The following MTUS2 variants were observed in gnomAD, a reference collection of about 807,000 sequenced individuals.
The protein encoded by MTUS2 is microtubule associated scaffold protein 2, also known as microtubule-associated tumor suppressor candidate 2.
MTUS2 carries 40 observed loss-of-function variants against 114.1 expected under a neutral mutation model. That is an observed-to-expected ratio of 0.35 (90% CI 0.27 to 0.46). The LOEUF is 0.46. MTUS2 is among the 20% of genes least tolerant of loss of function. MTUS2 has a pLI of 1.00. For missense variants in MTUS2, 1,679 were observed against 1,705.4 expected (o/e 0.98, Z 0.27); for synonymous variants, 688 against 672.0 (o/e 1.02, Z -0.37).
chr13:29,421,970 G>A (rs1876140551), intron 8 of MTUS2, among the ~76,000 whole-genome samples: 1 of 152,196 alleles, frequency 6.6e-6, no homozygotes, highest in African/African-American at 2.4e-5. Context: ...TTTCTACTAT[G>A]TCAGTTTTTA....
chr13:28,888,711 C>T lies in MTUS2; in HGVS notation c.-243+48861C>T, dbSNP rs149722612. Among the ~76,000 whole-genome samples, 436 of 152,012 alleles carry T rather than the reference C, an allele frequency of 2.9e-3. 3 individuals are homozygous for T. Among genetic ancestry groups the T allele is most frequent in the African/African-American group, 0.01 (418 of 41,454 alleles). ...TGCTGGGATTACAGGCATGAGACAC[C>T]GCGCTCGGCTCCTCTTGGCATCTTA... On this transcript the variant is annotated intron_variant, in intron 2 of 15. Transcript: ENST00000612955.
intron 2 of MTUS2, among the ~76,000 whole-genome samples, chr13:28,943,715 C>T (rs2138143234): frequency 6.6e-6 from 1 of 152,194 alleles, no homozygotes; most frequent in Admixed American, 6.5e-5. Context: ...GGGCTTTGAG[C>T]TTGACTCAGC....
intron 5 of MTUS2, among the ~76,000 whole-genome samples, chr13:29,200,521 G>GGTTTTTTTTTTTTT (rs1309388936): frequency 2.3e-5 from 2 of 85,430 alleles, no homozygotes; most frequent in African/African-American, 9.9e-5. Flanking sequence ...TTCTTTTTCT[G>GGTTTTTTTTTTTTT]TTTTTTTTTT....
At chr13:29,324,535 C>G in intron 6 of MTUS2, 78 bp from the exon 7 acceptor site, 1 of 1,091,272 alleles carries the variant, frequency 9.2e-7, no homozygotes, top group Non-Finnish European at 1.3e-6. Context: ...TTGAAGCCAC[C>G]CTTTCCACAA....
intron 9 of MTUS2, among the ~76,000 whole-genome samples, chr13:29,449,437 A>G (rs1878530552): frequency 6.6e-6 from 1 of 152,218 alleles, no homozygotes; most frequent in Non-Finnish European, 1.5e-5. Flanking sequence ...ATAATCTCTT[A>G]TAGTTACACA....
chr13:28,981,715 C>T (rs1232681269), intron 2 of MTUS2, among the ~76,000 whole-genome samples: 1 of 152,134 alleles, frequency 6.6e-6, no homozygotes, highest in Non-Finnish European at 1.5e-5. Context: ...GGCCTCCTGC[C>T]CAGTGACCCC....
In MTUS2 at chr13:29,504,693, G is replaced by C. The variant is rs1354773639; in HGVS notation, c.*1487G>C. ...GCATGATACACAAAAGGAAGAAGTA[G>C]TTTTAACAGATATGGTGATGATGAT... is the stretch of plus-strand genomic sequence containing the variant. On this transcript the variant is annotated 3_prime_UTR_variant, in exon 16 of 16. Transcript: ENST00000612955. 1 of 233,192 alleles carries C rather than the reference G, an allele frequency of 4.3e-6. No individual in the cohort carries two copies. The highest frequency in any genetic ancestry group is 2.2e-5 in the African/African-American group (1 of 45,354). The allele number at this position is 233,192 out of a possible 1,614,324, so 14.4% of individuals were successfully genotyped here.
intron 12 of MTUS2, 57 bp downstream of exon 12, chr13:29,492,776 C>G: frequency 7.5e-7 from 1 of 1,335,448 alleles, no homozygotes; most frequent in Middle Eastern, 1.8e-4. Context: ...CATCATTATT[C>G]CCACCCACAA....
chr13:29,262,571 A>G, intron 5 of MTUS2, among the ~76,000 whole-genome samples: 1 of 53,754 alleles, frequency 1.9e-5, no homozygotes, highest in East Asian at 9.2e-4. Context: ...TGATTAGTGT[A>G]AAAAAAAAAA....
chr13:29,158,153 C>T (rs1408375739), intron 5 of MTUS2, among the ~76,000 whole-genome samples: 1 of 152,108 alleles, frequency 6.6e-6, no homozygotes. Flanking sequence ...CCCGGACTCC[C>T]TCAAACGTCT....
At chr13:29,000,816 C>T (rs146174203) in intron 2 of MTUS2, among the ~76,000 whole-genome samples, 5 of 152,278 alleles carry the variant, frequency 3.3e-5, no homozygotes, top group Non-Finnish European at 4.4e-5. Context: ...CTCTCCTTTC[C>T]GTCTGCTGCC....
chr13:28,937,283 G>A (rs1881953526), intron 2 of MTUS2, among the ~76,000 whole-genome samples: 1 of 150,804 alleles, frequency 6.6e-6, no homozygotes. Context: ...CACTCTGTAA[G>A]ATGGACCAGT....
intron 2 of MTUS2, among the ~76,000 whole-genome samples, chr13:29,002,214 T>C (rs1231011460): frequency 6.6e-6 from 1 of 152,240 alleles, no homozygotes; most frequent in Non-Finnish European, 1.5e-5. Context: ...AGGGAGAGCC[T>C]ACCTTCCTTC....
chr13:28,972,001 CAT>C (rs563131766), intron 2 of MTUS2, among the ~76,000 whole-genome samples: 15 of 152,340 alleles, frequency 9.8e-5, no homozygotes, highest in East Asian at 1.9e-4. Flanking sequence ...TGAAAACAAA[CAT>C]ATGATTTATG....
intron 5 of MTUS2, among the ~76,000 whole-genome samples, chr13:29,175,892 C>T (rs1927834): frequency 0.74 from 112,757 of 152,044 alleles, 41,922 homozygotes; most frequent in East Asian, 0.8. Flanking sequence ...CATTAAAGTA[C>T]AACTGTAACA....
intron 6 of MTUS2, among the ~76,000 whole-genome samples, chr13:29,283,666 GC>G (rs1326993087): frequency 6.6e-6 from 1 of 152,162 alleles, no homozygotes; most frequent in Non-Finnish European, 1.5e-5. Flanking sequence ...TTGGTTTGGG[GC>G]TCGAGAATTT....
intron 5 of MTUS2, among the ~76,000 whole-genome samples, chr13:29,163,195 A>G (rs1893174806): frequency 6.6e-6 from 1 of 152,234 alleles, no homozygotes; most frequent in African/African-American, 2.4e-5. Flanking sequence ...AAATAACATT[A>G]AAATTCACAA....
At chr13:29,494,477 T>C (rs116688293) in intron 12 of MTUS2, among the ~76,000 whole-genome samples, 316 of 152,202 alleles carry the variant, frequency 2.1e-3, no homozygotes, top group African/African-American at 7.2e-3. Context: ...GAGTTTGCTG[T>C]TGTTTTGTTT....
At chr13:28,986,638 C>T (rs1001092590) in intron 2 of MTUS2, among the ~76,000 whole-genome samples, 3 of 152,276 alleles carry the variant, frequency 2.0e-5, no homozygotes, top group Non-Finnish European at 4.4e-5. Flanking sequence ...GAGATCTGTT[C>T]CTGTAGAGTC....
Sources: gnomAD v4.1 joint callset for allele counts (sites outside exome capture counted in the v4.1 genomes callset) on GRCh38, gnomAD v4.1.1 for gene constraint, MANE v1.5 for transcripts, NCBI Gene and HGNC (gene_info 2026-07-23, HGNC 2026-07-21) for gene names.